Variants in AUTS2 observed in about 807,000 individuals in gnomAD.
AUTS2 encodes activator of transcription and developmental regulator AUTS2, also known as autism susceptibility gene 2 protein.
In AUTS2, 17 loss-of-function variants were observed where a neutral mutation model predicts 112.4. The observed-to-expected ratio is 0.15, with a 90% CI of 0.10 to 0.23. The LOEUF (loss-of-function observed/expected upper bound fraction) is 0.23, where lower values mean the gene tolerates loss of function less well. Among genes scored for constraint, AUTS2 ranks in the 10% least tolerant of loss-of-function variants. AUTS2 has a pLI of 1.00. For missense variants in AUTS2, 1,510 were observed against 1,701.6 expected, an observed-to-expected ratio of 0.89 and a Z score of 1.98; for synonymous variants, 751 against 702.7, an observed-to-expected ratio of 1.07 and a Z score of -1.09.
intron 1 of AUTS2, among the ~76,000 whole-genome samples, chr7:69,727,130 A>G (rs938586969): frequency 5.3e-5 from 8 of 152,040 alleles, no homozygotes; most frequent in African/African-American, 1.9e-4. Context: ...GTTTTCTTCT[A>G]GAAGCTTTAT....
intron 4 of AUTS2, among the ~76,000 whole-genome samples, chr7:70,196,894 T>C (rs1344748864): frequency 6.6e-6 from 1 of 152,220 alleles, no homozygotes; most frequent in Non-Finnish European, 1.5e-5. Context: ...AGATAATTGT[T>C]GTTCTCTCTT....
At chr7:70,245,162 ATATATAT>A (rs1275776662) in intron 4 of AUTS2, among the ~76,000 whole-genome samples, 2 of 138,732 alleles carry the variant, frequency 1.4e-5, no homozygotes, top group African/African-American at 5.5e-5. Flanking sequence ...ATATATATAT[ATATATAT>A]AAAAAATAAA....
At position 69,834,932 on chromosome 7, in the gene AUTS2, T is replaced by C. The variant is rs1482331555; in HGVS notation, c.310-64354T>C. 2.0e-5 allele frequency among the ~76,000 whole-genome samples: 3 copies of C among 152,096 alleles called. No homozygotes were observed. The East Asian group carries it at 5.8e-4, about 29-fold the overall frequency. The stretch of plus-strand genomic sequence containing the variant: ...AAATTATGTTCACACTTTTCCTTTT[T>C]TCTTTTCCATTCATGCCTTTCCTCC... On this transcript the variant is annotated intron_variant, in intron 1 of 18. Transcript: ENST00000342771.
intron 1 of AUTS2, among the ~76,000 whole-genome samples, chr7:69,738,520 T>C (rs983893847): frequency 1.3e-5 from 2 of 152,120 alleles, no homozygotes; most frequent in South Asian, 2.1e-4. Context: ...CCAGCTGATA[T>C]TTTTGTGCTC....
chr7:70,534,293 A>C (rs1800217665), intron 5 of AUTS2, among the ~76,000 whole-genome samples: 1 of 152,136 alleles, frequency 6.6e-6, no homozygotes, highest in African/African-American at 2.4e-5. Context: ...GACGCCTGGG[A>C]GGGTTGGCAC....
chr7:70,038,370 T>C (rs1298964937), intron 2 of AUTS2, among the ~76,000 whole-genome samples: 1 of 152,142 alleles, frequency 6.6e-6, no homozygotes, highest in African/African-American at 2.4e-5. Context: ...GATAAACACA[T>C]CCATAAGAGT....
chr7:70,339,745 G>A (rs1791170776), intron 4 of AUTS2, among the ~76,000 whole-genome samples: 1 of 152,154 alleles, frequency 6.6e-6, no homozygotes, highest in Admixed American at 6.5e-5. Context: ...TCAAGGTGGG[G>A]TAGAGAATAG....
rs1792081778 is a variant in AUTS2 at position 70,793,340 on chromosome 7, C to T, written c.*2344C>T. 1 of 152,164 alleles carries T rather than the reference C, an allele frequency of 6.6e-6. No homozygotes were observed. The highest frequency in any genetic ancestry group is 2.4e-5 in the African/African-American group (1 of 41,440). The allele number at this position is 152,164 out of a possible 1,614,324, so 9.4% of individuals were successfully genotyped here. ...TGTGGACTCGGTCAGTCATATGTTA[C>T]TTAAGACCTTCCAGATTTTTTTTTC... On this transcript the variant is annotated 3_prime_UTR_variant, in exon 19 of 19. Coordinates refer to ENST00000342771, the MANE Select transcript of AUTS2 (RefSeq NM_015570.4).
At chr7:70,285,624 A>G (rs1383487395) in intron 4 of AUTS2, among the ~76,000 whole-genome samples, 11 of 152,196 alleles carry the variant, frequency 7.2e-5, no homozygotes, top group African/African-American at 2.4e-4. Flanking sequence ...AGCTGCTTCC[A>G]TGTACTGATA....
At chr7:70,114,769 C>G (rs542993777) in intron 2 of AUTS2, among the ~76,000 whole-genome samples, 3 of 151,994 alleles carry the variant, frequency 2.0e-5, no homozygotes, top group African/African-American at 7.2e-5. Flanking sequence ...CCATTGCACT[C>G]CAGCCTGGGC....
intron 2 of AUTS2, among the ~76,000 whole-genome samples, chr7:69,901,101 A>G (rs1794952434): frequency 6.6e-6 from 1 of 152,136 alleles, no homozygotes; most frequent in Non-Finnish European, 1.5e-5. Flanking sequence ...TTCCATATTT[A>G]GATGAAGTTT....
chr7:69,802,676 G>T (rs1790136665), intron 1 of AUTS2, among the ~76,000 whole-genome samples: 1 of 152,112 alleles, frequency 6.6e-6, no homozygotes, highest in African/African-American at 2.4e-5. Context: ...GATTGCTGTT[G>T]GTCAAAGCAC....
At position 70,048,200 on chromosome 7, in the gene AUTS2, C is replaced by G. The variant is rs150849832; in HGVS notation, c.523-69932C>G. On this transcript the variant is annotated intron_variant, in intron 2 of 18. Transcript: ENST00000342771. ...CCTTTACAAAAGTTAATGCTGTTCT[C>G]TCTCATGCAACATGCATTCCTCGTG... is the stretch of plus-strand genomic sequence containing the variant. 2.7e-3 allele frequency among the ~76,000 whole-genome samples: 405 copies of G among 152,288 alleles called. 4 individuals are homozygous for G. Among genetic ancestry groups the G allele is most frequent in the Non-Finnish European group, 5.2e-3 (354 of 68,024 alleles).
chr7:70,789,701 G>C, intron 18 of AUTS2, 47 bp from the exon 19 acceptor site: 2 of 1,573,188 alleles, frequency 1.3e-6, no homozygotes, highest in Non-Finnish European at 1.7e-6. Flanking sequence ...CGGCCGACTC[G>C]CCCCTTTCAT....
chr7:70,080,239 A>C (rs1803236745), intron 2 of AUTS2, among the ~76,000 whole-genome samples: 1 of 152,216 alleles, frequency 6.6e-6, no homozygotes, highest in Admixed American at 6.5e-5. Context: ...TACATTGTGG[A>C]TAGCAAAACA....
intron 1 of AUTS2, among the ~76,000 whole-genome samples, chr7:69,660,453 G>A (rs1795739911): frequency 1.3e-5 from 2 of 152,118 alleles, no homozygotes; most frequent in Admixed American, 1.3e-4. Flanking sequence ...AACAAAACAA[G>A]GGAAATTCTA....
intron 1 of AUTS2, among the ~76,000 whole-genome samples, chr7:69,768,384 C>G (rs1162648590): frequency 6.6e-6 from 1 of 152,196 alleles, no homozygotes; most frequent in Admixed American, 6.5e-5. Flanking sequence ...GAGTACATTT[C>G]AGTTTCATAG....
chr7:69,826,211 C>G (rs887060514), intron 1 of AUTS2, among the ~76,000 whole-genome samples: 2 of 152,076 alleles, frequency 1.3e-5, no homozygotes, highest in Non-Finnish European at 2.9e-5. Flanking sequence ...AGGATAACCC[C>G]TTATAGTTAG....
intron 4 of AUTS2, among the ~76,000 whole-genome samples, chr7:70,162,695 A>G (rs1713508471): frequency 6.6e-6 from 1 of 152,254 alleles, no homozygotes; most frequent in African/African-American, 2.4e-5. Flanking sequence ...TATTAAACGA[A>G]AACATATTTT....
Sources: allele counts gnomAD v4.1 joint callset (sites outside exome capture counted in the v4.1 genomes callset), GRCh38; gene constraint gnomAD v4.1.1; transcripts MANE v1.5; gene names NCBI Gene and HGNC (gene_info 2026-07-23, HGNC 2026-07-21).